Variants in ERC2 observed in about 807,000 individuals in gnomAD.
The protein encoded by ERC2 is ELKS/RAB6-interacting/CAST family member 2, also known as ERC protein 2.
In ERC2, 42 loss-of-function variants were observed where a neutral mutation model predicts 114.8. The ratio of observed to expected loss-of-function variants is 0.37; its 90% confidence interval spans 0.29 to 0.47. The LOEUF is 0.47. Among genes scored for constraint, ERC2 ranks in the 20% least tolerant of loss-of-function variants. ERC2 has a pLI of 0.99. For synonymous variants in ERC2, 454 were observed against 425.5 expected (o/e 1.07, Z -0.82); for missense variants, 939 against 1,150.7 (o/e 0.82, Z 2.66).
intron 17 of ERC2, among the ~76,000 whole-genome samples, chr3:55,544,094 C>T (rs1327399400): frequency 1.3e-5 from 2 of 152,186 alleles, no homozygotes; most frequent in African/African-American, 4.8e-5. Context: ...GCAGGAGAGG[C>T]TACCGATGGG....
At chr3:55,867,487 G>A (rs1054486834) in intron 14 of ERC2, among the ~76,000 whole-genome samples, 6 of 152,202 alleles carry the variant, frequency 3.9e-5, no homozygotes, top group Non-Finnish European at 8.8e-5. Flanking sequence ...GGGTGGTGGA[G>A]GGAGGGGAAG....
At chr3:55,889,275 G>T (rs1390750524) in intron 13 of ERC2, among the ~76,000 whole-genome samples, 1 of 152,058 alleles carries the variant, frequency 6.6e-6, no homozygotes, top group Non-Finnish European at 1.5e-5. Context: ...CAATGTCCAG[G>T]GAGCCTCAGG....
chr3:55,982,025 G>A (rs2070182532), intron 12 of ERC2, among the ~76,000 whole-genome samples: 2 of 152,198 alleles, frequency 1.3e-5, no homozygotes, highest in Admixed American at 1.3e-4. Context: ...TGGCTTTAGA[G>A]GGGCAGGATC....
chr3:55,720,848 C>CA (rs1479385436), intron 15 of ERC2, among the ~76,000 whole-genome samples: 1 of 152,146 alleles, frequency 6.6e-6, no homozygotes, highest in East Asian at 1.9e-4. Flanking sequence ...CCCCATCTTT[C>CA]CACCTCACAA....
intron 12 of ERC2, among the ~76,000 whole-genome samples, chr3:55,978,395 G>C (rs2069770750): frequency 6.6e-6 from 1 of 152,186 alleles, no homozygotes; most frequent in Non-Finnish European, 1.5e-5. Context: ...CATGCAGCAG[G>C]ATTCTGTTTT....
chr3:55,635,999 C>T (rs1031059296), intron 17 of ERC2, among the ~76,000 whole-genome samples: 6 of 151,980 alleles, frequency 3.9e-5, no homozygotes, highest in African/African-American at 1.2e-4. Context: ...CCTCAGCCTC[C>T]CAAGTAGCTG....
chr3:55,868,409 T>C (rs1032784397), intron 14 of ERC2, among the ~76,000 whole-genome samples: 1 of 152,234 alleles, frequency 6.6e-6, no homozygotes. Flanking sequence ...ATCATTTCTG[T>C]TCTGGTGCCA....
intron 17 of ERC2, among the ~76,000 whole-genome samples, chr3:55,527,804 A>G (rs187527483): frequency 5.3e-5 from 8 of 152,348 alleles, no homozygotes; most frequent in African/African-American, 1.9e-4. Context: ...GGATGGAAGC[A>G]TCAGAGACTT....
intron 17 of ERC2, among the ~76,000 whole-genome samples, chr3:55,576,472 G>C (rs907120936): frequency 6.6e-6 from 1 of 152,222 alleles, no homozygotes; most frequent in African/African-American, 2.4e-5. Flanking sequence ...CCGATGCTTA[G>C]GGAGGTAAAG....
chr3:56,424,856 A>G (rs2061506922), intron 2 of ERC2, among the ~76,000 whole-genome samples: 1 of 152,186 alleles, frequency 6.6e-6, no homozygotes, highest in Non-Finnish European at 1.5e-5. Context: ...GCTAAACTAT[A>G]TTATCCAGTT....
intron 17 of ERC2, among the ~76,000 whole-genome samples, chr3:55,529,578 A>G (rs1053208553): frequency 3.9e-5 from 6 of 152,190 alleles, no homozygotes; most frequent in African/African-American, 1.4e-4. Flanking sequence ...TTTATATTTA[A>G]TTTATAATCA....
At chr3:56,157,559 A>G (rs1486204409) in intron 4 of ERC2, among the ~76,000 whole-genome samples, 2 of 152,156 alleles carry the variant, frequency 1.3e-5, no homozygotes, top group African/African-American at 2.4e-5. Flanking sequence ...TGACCACTCC[A>G]TTTCTCTTCC....
intron 16 of ERC2, among the ~76,000 whole-genome samples, chr3:55,695,114 T>G (rs1027451575): frequency 1.3e-5 from 2 of 152,230 alleles, no homozygotes; most frequent in African/African-American, 4.8e-5. Flanking sequence ...ATGAGACTGA[T>G]GACAACAGAT....
chr3:55,584,159 C>G (rs1400983616), intron 17 of ERC2, among the ~76,000 whole-genome samples: 1 of 152,168 alleles, frequency 6.6e-6, no homozygotes. Context: ...TCAGGGACCC[C>G]CACAGGGAAG....
intron 7 of ERC2, among the ~76,000 whole-genome samples, chr3:56,073,698 T>A (rs1019835561): frequency 6.6e-6 from 1 of 152,188 alleles, no homozygotes; most frequent in South Asian, 2.1e-4. Flanking sequence ...ATGAGGGATC[T>A]CCCAACTCAA....
At position 55,984,291 on chromosome 3, in the gene ERC2, G is replaced by GA. The variant is rs113812148; in HGVS notation, c.2267+1685dup. 5.9e-3 allele frequency among the ~76,000 whole-genome samples: 865 copies of GA among 146,424 alleles called. 2 individuals carry two copies. Among genetic ancestry groups the GA allele is most frequent in the Non-Finnish European group, 7.5e-3 (495 of 66,416 alleles). ...TTCATGTTCTTTCACCATGAAATAG[G>GA]AAAAAAAAAACAAAAAAACTACCAC... On this transcript the variant is annotated intron_variant, in intron 12 of 17. Coordinates refer to ENST00000288221, the MANE Select transcript of ERC2 (RefSeq NM_015576.3).
At chr3:56,302,822 T>C (rs73086449) in intron 2 of ERC2, among the ~76,000 whole-genome samples, 5,150 of 152,312 alleles carry the variant, frequency 0.034, 184 homozygotes, top group African/African-American at 0.082. Context: ...AGTCATTCTT[T>C]CTGTGGCTTC....
chr3:56,039,826 C>A (rs777329200), intron 7 of ERC2, among the ~76,000 whole-genome samples: 7 of 152,096 alleles, frequency 4.6e-5, no homozygotes, highest in Non-Finnish European at 8.8e-5. Context: ...AATAGAAATT[C>A]CAAATATAAA....
intron 3 of ERC2, among the ~76,000 whole-genome samples, chr3:56,292,433 A>C (rs1165631545): frequency 6.6e-6 from 1 of 151,672 alleles, no homozygotes; most frequent in Non-Finnish European, 1.5e-5. Flanking sequence ...CAAAAAAAAA[A>C]AAAAAAAATA....
Sources: gnomAD v4.1 joint callset for allele counts (sites outside exome capture counted in the v4.1 genomes callset) on GRCh38, gnomAD v4.1.1 for gene constraint, MANE v1.5 for transcripts, NCBI Gene and HGNC (gene_info 2026-07-23, HGNC 2026-07-21) for gene names.